The following SP140 variants were observed in gnomAD, a reference collection of about 807,000 sequenced individuals.
The protein encoded by SP140 is SP140 nuclear body protein.
In SP140, 81 loss-of-function variants were observed where a neutral mutation model predicts 125.0. The ratio of observed to expected loss-of-function variants is 0.65; its 90% CI spans 0.54 to 0.78. The LOEUF (loss-of-function observed/expected upper bound fraction) is 0.78. SP140 is among the 30% of genes least tolerant of loss of function. The probability of loss-of-function intolerance (pLI) is 0.00; values close to 1 mark genes in which losing one functional copy is unlikely to be tolerated. For synonymous variants in SP140, 312 were observed against 354.0 expected (o/e 0.88, Z 1.33); for missense variants, 858 against 1,037.0 (o/e 0.83, Z 2.37).
intron 1 of SP140, among the ~76,000 whole-genome samples, chr2:230,228,739 A>G (rs1390152256): frequency 6.6e-6 from 1 of 152,128 alleles, no homozygotes; most frequent in East Asian, 1.9e-4. Context: ...TTGGCATGGT[A>G]TATCTTGCTC....
chr2:230,295,821 CTAA>C (rs1266581556), intron 21 of SP140, among the ~76,000 whole-genome samples: 1 of 152,204 alleles, frequency 6.6e-6, no homozygotes, highest in African/African-American at 2.4e-5. Flanking sequence ...TTGTTGTATG[CTAA>C]TGTTTGCTTA....
At chr2:230,291,676 T>C (rs764743346) in intron 19 of SP140, among the ~76,000 whole-genome samples, 5 of 152,276 alleles carry the variant, frequency 3.3e-5, no homozygotes, top group Admixed American at 6.5e-5. Flanking sequence ...CATTTGGAAC[T>C]ATTTCCACTC....
intron 15 of SP140, among the ~76,000 whole-genome samples, chr2:230,281,517 C>T (rs372571989): frequency 6.6e-6 from 1 of 152,158 alleles, no homozygotes; most frequent in Admixed American, 6.5e-5. Flanking sequence ...TATCAAGATA[C>T]AGAACATGAT....
Position 230,291,315 on chromosome 2 carries a change from G to A in SP140, c.1825+751G>A, listed in dbSNP as rs1033872447. On this transcript the variant is annotated intron_variant, in intron 19 of 26. Coordinates refer to ENST00000392045, the MANE Select transcript of SP140 (RefSeq NM_007237.5). ...CACATATCATACAACTCACCACTTA[G>A]AGTGTACAAATCAACTTTTTTTTGT... is the stretch of plus-strand genomic sequence containing the variant. Among the ~76,000 whole-genome samples, 8 of 152,242 alleles carry A rather than the reference G, an allele frequency of 5.3e-5. 1 individual carries two copies. Among genetic ancestry groups the A allele is most frequent in the Middle Eastern group, 6.8e-3 (2 of 294 alleles).
Position 230,250,971 on chromosome 2 carries a change from C to A in SP140, c.977-10C>A, listed in dbSNP as rs1431755718. 1 of 1,613,368 alleles carries A rather than the reference C, an allele frequency of 6.2e-7. No homozygotes were observed. The highest frequency in any genetic ancestry group is 2.2e-5 in the East Asian group (1 of 44,864). On this transcript the variant is annotated splice_polypyrimidine_tract_variant and intron_variant, in intron 9 of 26. Transcript: ENST00000392045. Reference sequence around the variant, plus strand: ...CATAATTTCTTGAGGGATTTCTTTTCTTTCTGCAGAGGGCAGTGATGACTG... The same window carrying A: ...CATAATTTCTTGAGGGATTTCTTTTATTTCTGCAGAGGGCAGTGATGACTG...
chr2:230,241,071 A>G (rs543193222), intron 3 of SP140, among the ~76,000 whole-genome samples: 47 of 152,322 alleles, frequency 3.1e-4, no homozygotes, highest in African/African-American at 1.1e-3. Flanking sequence ...GCATGATCCT[A>G]TTTATATAAG....
chr2:230,217,590 C>G (rs1286812320), intron 3 of SP140, among the ~76,000 whole-genome samples: 1 of 152,194 alleles, frequency 6.6e-6, no homozygotes, highest in Non-Finnish European at 1.5e-5. Flanking sequence ...TTTCATAAAA[C>G]CCTTGCGAGG....
chr2:230,187,665 TGTATAA>T, the SP140 span, among the ~76,000 whole-genome samples: 1 of 152,170 alleles, frequency 6.6e-6, no homozygotes, highest in Non-Finnish European at 1.5e-5. Context: ...AGTTAATTTT[TGTATAA>T]GGTGGGAAAT....
downstream of SP140, among the ~76,000 whole-genome samples, chr2:230,316,194 TA>T (rs2059482563): frequency 6.6e-6 from 1 of 152,196 alleles, no homozygotes; most frequent in Non-Finnish European, 1.5e-5. Context: ...CTGAATGACT[TA>T]CTAAATCACA....
intron 18 of SP140, among the ~76,000 whole-genome samples, chr2:230,289,553 C>A (rs1328045465): frequency 1.3e-5 from 2 of 152,194 alleles, no homozygotes; most frequent in Non-Finnish European, 2.9e-5. Flanking sequence ...GATCTCACTG[C>A]AGACTCCACC....
At position 230,207,875 on chromosome 2, in the gene SP140, T is replaced by A. The variant is rs2044043159; in HGVS notation, c.-323+4596T>A. 4.4e-6 allele frequency: 3 copies of A among 685,364 alleles called. No homozygotes were observed. In the Admixed American group the frequency reaches 7.3e-5, roughly 17 times the overall value. 42.5% of individuals were successfully genotyped at this position (685,364 alleles called of 1,614,324 possible). ...ACATTGTGTCACTTCACTGACTAAA[T>A]CTCTTCAATGGCTTCCCATTGCATT... On this transcript the variant is annotated intron_variant, in intron 1 of 4. Transcript: ENST00000456542.
At chr2:230,256,502 A>ACG (rs2051232459) in intron 12 of SP140, among the ~76,000 whole-genome samples, 1 of 126,932 alleles carries the variant, frequency 7.9e-6, no homozygotes, top group African/African-American at 3.0e-5. Flanking sequence ...GAAGGGGGAT[A>ACG]TCACACACCA....
chr2:230,312,564 T>G, intron 26 of SP140, 22 bp from the exon 27 acceptor site: 1 of 1,512,994 alleles, frequency 6.6e-7, no homozygotes, highest in Non-Finnish European at 9.2e-7. Flanking sequence ...GAGCATTGTT[T>G]TTGTCTTTAT....
At chr2:230,261,751 A>G (rs2052291434) in intron 12 of SP140, among the ~76,000 whole-genome samples, 1 of 152,170 alleles carries the variant, frequency 6.6e-6, no homozygotes, top group Non-Finnish European at 1.5e-5. Context: ...GTGGTGTATC[A>G]TATTTATTGA....
At position 230,312,736 on chromosome 2, in the gene SP140, C is replaced by G. The variant is rs535831332; in HGVS notation, c.*52C>G. The G allele has an allele frequency of 1.0e-5, 14 of 1,367,300 alleles. No individual in the cohort carries two copies. The East Asian group carries it at 1.6e-4, about 16-fold the overall frequency. The allele number at this position is 1,367,300 out of a possible 1,614,324, so 84.7% of individuals were successfully genotyped here. The stretch of plus-strand genomic sequence containing the variant: ...CAGCAAATGGCACCCTAAAATATGC[C>G]GCTGGTTTGCCACTGACTTCAAAAT... On this transcript the variant is annotated 3_prime_UTR_variant, in exon 27 of 27. Transcript: ENST00000392045.
chr2:230,215,056 G>A, intron 3 of SP140: 1 of 1,613,438 alleles, frequency 6.2e-7, no homozygotes, highest in Non-Finnish European at 8.5e-7. Flanking sequence ...TCTCCAGTTG[G>A]GTGAGAATGT....
Position 230,255,524 on chromosome 2 carries a change from G to A in SP140, c.1232G>A (p.Arg411His), listed in dbSNP as rs201567759. 2,292 of 1,579,446 alleles carry A rather than the reference G, an allele frequency of 1.5e-3. 32 individuals are homozygous for A. The highest frequency in any genetic ancestry group is 1.3e-3 in the East Asian group (55 of 43,468). The change falls in exon 12 of 27, where the codon CGT (arginine) becomes CAT (histidine). Residue 411 changes from arginine to histidine, a missense_variant. Physicochemically the swap from Arg to His is conservative, Grantham distance 29 (BLOSUM62 0). This residue lies in a region of SP140 where 791 missense variants were observed against 869.5 expected (regional missense o/e 0.91). Coordinates refer to ENST00000392045, the MANE Select transcript of SP140 (RefSeq NM_007237.5). Reference protein sequence around the residue: ...RQEASSSLARRGSVSSELENH... With the variant: ...RQEASSSLARHGSVSSELENH... ...GAAGCCTCTAGCTCCCTAGCAAGACGTGGGTCAGGTAAGGACGGGGGGGGG... is the reference window on the plus strand; with the variant it reads ...GAAGCCTCTAGCTCCCTAGCAAGACATGGGTCAGGTAAGGACGGGGGGGGG...
At chr2:230,251,267 G>A (rs749694318) in intron 10 of SP140, among the ~76,000 whole-genome samples, 2 of 152,180 alleles carry the variant, frequency 1.3e-5, no homozygotes, top group Non-Finnish European at 2.9e-5. Flanking sequence ...TTAACGGAAT[G>A]GGTTTTATTG....
intron 1 of SP140, among the ~76,000 whole-genome samples, chr2:230,235,355 A>G (rs1334356090): frequency 1.3e-5 from 2 of 152,180 alleles, no homozygotes; most frequent in Non-Finnish European, 2.9e-5. Context: ...ACTTAGGTTA[A>G]AATTTCTCAT....
Sources: gnomAD v4.1 joint callset for allele counts (sites outside exome capture counted in the v4.1 genomes callset) on GRCh38, gnomAD v4.1.1 for gene constraint, gnomAD v4.1.1 regional missense constraint, MANE v1.5 for transcripts, NCBI Gene and HGNC (gene_info 2026-07-23, HGNC 2026-07-21) for gene names.